The following TTN variants were observed in gnomAD, a reference collection of about 807,000 sequenced individuals.
The protein encoded by TTN is titin, also known as connectin.
TTN carries 1,525 observed loss-of-function variants against 3,223.0 expected under a neutral mutation model. That is an observed-to-expected ratio of 0.47 (90% confidence interval 0.45 to 0.49). The LOEUF (loss-of-function observed/expected upper bound fraction) is 0.49. Ranked by LOEUF, TTN falls within the 20% of genes least tolerant of loss-of-function variation. TTN has a pLI of 0.00. For missense variants in TTN, 40,786 were observed against 43,424.0 expected (o/e 0.94, Z 5.40); for synonymous variants, 14,094 against 15,161.0 (o/e 0.93, Z 5.17).
chr2:178,651,361 A>T, intron 207 of TTN, 41 bp from the exon 208 acceptor site: 1 of 1,605,162 alleles, frequency 6.2e-7, no homozygotes. Flanking sequence ...AACAATCACC[A>T]GTAAACATTC....
At chr2:178,749,994 G>A in intron 47 of TTN, 1 of 1,613,140 alleles carries the variant, frequency 6.2e-7, no homozygotes, top group Non-Finnish European at 8.5e-7. Flanking sequence ...ACTTGATCTT[G>A]AGGCATTGCT....
chr2:178,702,479 G>T lies in TTN; in HGVS notation c.30408C>A (p.Ile10136=), dbSNP rs878862911. The T allele has an allele frequency of 1.2e-6, 2 of 1,613,794 alleles. No individual in the cohort carries two copies. Among genetic ancestry groups the T allele is most frequent in the African/African-American group, 2.7e-5 (2 of 74,892 alleles). The change falls in exon 107 of 363, where the codon ATC becomes ATA. Residue 10136 remains isoleucine, a synonymous_variant. Transcript: ENST00000589042. ...CTTCATCGTCTGGGGTCACATTGTG[G>T]ATGGTCATATAATGGCAGCGGCCAT... The part of the protein sequence containing the change: ...RNDGRCHYMT[I]HNVTPDDEGV...
At position 178,602,533 on chromosome 2, in the gene TTN, G is replaced by A; in HGVS notation, c.54869C>T (p.Ser18290Leu). The A allele has an allele frequency of 6.2e-7, 1 of 1,601,506 alleles. No individual in the cohort carries two copies. The highest frequency in any genetic ancestry group is 8.5e-7 in the Non-Finnish European group (1 of 1,173,472). The change falls in exon 283 of 363, where the codon TCA (serine) becomes TTA (leucine). Residue 18290 changes from serine to leucine, a missense_variant. Physicochemically the swap from Ser to Leu is moderately radical, Grantham distance 145. Transcript: ENST00000589042. ...EVKDKTKSSI[S>L]LGWKPPAKDG... is the part of the protein sequence containing the mutation. ...TTTGGCTGGAGGTTTCCATCCTAGT[G>A]AGATGCTTGACTTCGTTTTATCTTT...
In TTN at chr2:178,702,606, GA is replaced by G; in HGVS notation, c.30280del (p.Ser10094LeufsTer15). The G allele has an allele frequency of 6.2e-7, 1 of 1,613,990 alleles. No homozygotes were observed. Among genetic ancestry groups the G allele is most frequent in the Non-Finnish European group, 8.5e-7 (1 of 1,179,878 alleles). ...GGACACTTCACACTCAAAGGTGGCA[GA>G]CTGATGCTCACTCACCACGATGTTC... is the stretch of plus-strand genomic sequence containing the variant. ...IQNIVVSEHQ[S>X]ATFECEVSFD... On this transcript the variant is annotated frameshift_variant, in exon 107 of 363. Coordinates refer to ENST00000589042, the MANE Select transcript of TTN (RefSeq NM_001267550.2). LOFTEE classifies it high-confidence loss of function.
chr2:178,763,654 A>C (rs2089784839), intron 43 of TTN, among the ~76,000 whole-genome samples: 1 of 152,218 alleles, frequency 6.6e-6, no homozygotes, highest in Non-Finnish European at 1.5e-5. Context: ...GAGACATGAT[A>C]TATATTGAAG....
At position 178,649,870 on chromosome 2, in the gene TTN, A is replaced by T. The variant is rs1293991314; in HGVS notation, c.39842T>A (p.Ile13281Asn). 2 of 1,612,564 alleles carry T rather than the reference A, an allele frequency of 1.2e-6. No individual in the cohort carries two copies. Among genetic ancestry groups the T allele is most frequent in the Admixed American group, 1.7e-5 (1 of 59,784 alleles). The change falls in exon 211 of 363, where the codon ATC (isoleucine) becomes AAC (asparagine). Residue 13281 changes from isoleucine (I) to asparagine (N), a missense_variant. Coordinates refer to ENST00000589042, the MANE Select transcript of TTN (RefSeq NM_001267550.2). ...GATGACAGGAACTTTCTTCTCTGGG[A>T]TGATCTTCTTGGGCTCTTCAGGCAC... is the stretch of plus-strand genomic sequence containing the variant. ...PAVPEEPKKI[I>N]PEKKVPVIKK...
chr2:178,621,650 G>T lies in TTN; in HGVS notation c.45174C>A (p.Gly15058=), dbSNP rs372609980. The T allele has an allele frequency of 1.2e-6, 2 of 1,612,158 alleles. No homozygotes were observed. Among genetic ancestry groups the T allele is most frequent in the African/African-American group, 1.3e-5 (1 of 74,834 alleles). ...IKLVCEVSKP[G]AEVIWYKGDE... ...CCCCTTTATACCAAATCACTTCTGC[G>T]CCAGGTTTGGAGACTTCACAAACCA... Residue 15058 remains glycine, a synonymous_variant, in exon 245 of 363, where the codon GGC becomes GGA. Transcript: ENST00000589042.
At chr2:178,640,021 G>A (rs761700745) in intron 222 of TTN, 27 bp downstream of exon 222, 3 of 1,610,314 alleles carry the variant, frequency 1.9e-6, no homozygotes, top group South Asian at 2.2e-5. Flanking sequence ...AGAATATGCT[G>A]TTGACATTGA....
Position 178,602,013 on chromosome 2 carries a change from T to C in TTN, c.55258A>G (p.Lys18420Glu). ...GGTTATTTTCCTACCTTCATTGCTT[T>C]CTTTGCCTTTCCATCAAATTCCCAA... ...SSWEFDGKAK[K>E]AMKDGVHDIP... Residue 18420 changes from lysine to glutamate, a missense_variant, in exon 284 of 363, where the codon AAA becomes GAA. By Grantham distance (56) the Lys-to-Glu change is moderately conservative. Transcript: ENST00000589042. The C allele has an allele frequency of 3.7e-6, 6 of 1,612,830 alleles. No homozygotes were observed. Among genetic ancestry groups the C allele is most frequent in the Non-Finnish European group, 5.1e-6 (6 of 1,179,218 alleles).
In TTN at chr2:178,546,243, G is replaced by A; in HGVS notation, c.95088C>T (p.Thr31696=). ...YTLTVKNASG[T]KAVSVMVKVL... is the part of the protein sequence containing the mutation. ...CTTTGACCATGACAGACACGGCCTT[G>A]GTCCCGCTGGCATTTTTCACTGTTA... is the stretch of plus-strand genomic sequence containing the variant. Residue 31696 remains threonine (T), a synonymous_variant, in exon 342 of 363, where the codon ACC becomes ACT. Coordinates refer to ENST00000589042, the MANE Select transcript of TTN (RefSeq NM_001267550.2). 6.2e-7 allele frequency: 1 copy of A among 1,612,948 alleles called. No homozygotes were observed. Among genetic ancestry groups the A allele is most frequent in the African/African-American group, 1.3e-5 (1 of 75,024 alleles).
At position 178,562,606 on chromosome 2, in the gene TTN, A is replaced by C. The variant is rs539533062; in HGVS notation, c.83526T>G (p.Ala27842=). 3 of 1,610,794 alleles carry C rather than the reference A, an allele frequency of 1.9e-6. No individual in the cohort carries two copies. Among genetic ancestry groups the C allele is most frequent in the Non-Finnish European group, 2.5e-6 (3 of 1,178,840 alleles). The change falls in exon 326 of 363, where the codon GCT becomes GCG. Residue 27842 remains alanine, a synonymous_variant. Transcript: ENST00000589042. ...GCAAACCAATCCCATATTCATTGGAAGCCAAGACTCGGAAGTAGTAAGAAC... is the reference window on the plus strand; with the variant it reads ...GCAAACCAATCCCATATTCATTGGACGCCAAGACTCGGAAGTAGTAAGAAC... The part of the protein sequence containing the change: ...EGCSYYFRVL[A]SNEYGIGLPA...
chr2:178,764,881 A>T (rs779595693), intron 41 of TTN, 70 bp from the exon 42 acceptor site: 3 of 1,581,664 alleles, frequency 1.9e-6, no homozygotes, highest in Non-Finnish European at 2.6e-6. Context: ...AAAACTCTAC[A>T]TTAATTTGTT....
At position 178,549,290 on chromosome 2, in the gene TTN, C is replaced by G. The variant is rs1289817129; in HGVS notation, c.92336G>C (p.Arg30779Thr). The G allele has an allele frequency of 1.2e-6, 2 of 1,613,942 alleles. No homozygotes were observed. The highest frequency in any genetic ancestry group is 4.5e-5 in the East Asian group (2 of 44,876). ...TTCTGTCAGACCAGTGACTTTGAAT[C>G]TTGTTTCAGAGATTGGTCGTTTGCT... ...VISKRPISET[R>T]FKVTGLTEGN... The change falls in exon 339 of 363, where the codon AGA (arginine) becomes ACA (threonine). Residue 30779 changes from arginine to threonine, a missense_variant. Coordinates refer to ENST00000589042, the MANE Select transcript of TTN (RefSeq NM_001267550.2).
At position 178,780,101 on chromosome 2, in the gene TTN, C is replaced by A; in HGVS notation, c.3628G>T (p.Val1210Leu). 1 of 1,613,786 alleles carries A rather than the reference C, an allele frequency of 6.2e-7. No individual in the cohort carries two copies. The highest frequency in any genetic ancestry group is 1.1e-5 in the South Asian group (1 of 91,074). Residue 1210 changes from valine (V) to leucine (L), a missense_variant, in exon 22 of 363, where the codon GTA becomes TTA. Physicochemically the swap from Val to Leu is conservative, Grantham distance 32 (BLOSUM62 1). Coordinates refer to ENST00000589042, the MANE Select transcript of TTN (RefSeq NM_001267550.2). ...TACTCTTTTTCATACTCAGAGTATA[C>A]AAATCCAGGTGCTGTTTCTCCAACT... ...PKVGETAPGFVYSEYEKEYEK... is the reference protein window; with the variant it reads ...PKVGETAPGFLYSEYEKEYEK...
Position 178,533,494 on chromosome 2 carries a change from C to A in TTN, c.103121G>T (p.Cys34374Phe), listed in dbSNP as rs368493317. 26 of 1,613,162 alleles carry A rather than the reference C, an allele frequency of 1.6e-5. No individual in the cohort carries two copies. The highest frequency in any genetic ancestry group is 2.0e-5 in the Non-Finnish European group (24 of 1,179,320). ...AAAGCAGACACTTTGGCCTTCTTGG[C>A]ATTCTGCATTTGCCAGTAACCTTTT... ...MFKRLLANAE[C>F]QEGQSVCFEI... The change falls in exon 358 of 363, where the codon TGC becomes TTC. Residue 34374 changes from cysteine (C) to phenylalanine (F), a missense_variant. Coordinates refer to ENST00000589042, the MANE Select transcript of TTN (RefSeq NM_001267550.2).
chr2:178,702,914 A>G (rs2075253053), intron 106 of TTN, among the ~76,000 whole-genome samples: 1 of 152,216 alleles, frequency 6.6e-6, no homozygotes, highest in African/African-American at 2.4e-5. Context: ...AGTTCTTAAA[A>G]TATTTATATA....
At position 178,756,680 on chromosome 2, in the gene TTN, T is replaced by A; in HGVS notation, c.10796A>T (p.Lys3599Met). The A allele has an allele frequency of 6.2e-7, 1 of 1,613,858 alleles. No individual in the cohort carries two copies. The highest frequency in any genetic ancestry group is 8.5e-7 in the Non-Finnish European group (1 of 1,179,810). ...EESKISQKEIKSFQGSSYEYE... is the reference protein window; with the variant it reads ...EESKISQKEIMSFQGSSYEYE... ...TTCATATGATGATCCTTGAAATGACTTAATTTCCTTTTGAGATATTTTGCT... is the reference window on the plus strand; with the variant it reads ...TTCATATGATGATCCTTGAAATGACATAATTTCCTTTTGAGATATTTTGCT... The change falls in exon 46 of 363, where the codon AAG becomes ATG. Residue 3599 changes from lysine (K) to methionine (M), a missense_variant. By Grantham distance (95) the Lys-to-Met change is moderately conservative. Coordinates refer to ENST00000589042, the MANE Select transcript of TTN (RefSeq NM_001267550.2).
Position 178,744,738 on chromosome 2 carries a change from C to A in TTN, c.11312-2817G>T. 3.0e-6 allele frequency: 3 copies of A among 984,518 alleles called. No homozygotes were observed. The South Asian group carries it at 1.4e-4, about 46-fold the overall frequency. 61.0% of individuals were successfully genotyped at this position (984,518 alleles called of 1,614,324 possible). The stretch of plus-strand genomic sequence containing the variant: ...TGAAATCAGAATACAGTTTTAAAAT[C>A]TATATGTAAACACAATATGATAGTT... On this transcript the variant is annotated intron_variant, in intron 47 of 362. Coordinates refer to ENST00000589042, the MANE Select transcript of TTN (RefSeq NM_001267550.2).
intron 46 of TTN, among the ~76,000 whole-genome samples, chr2:178,754,683 T>C (rs1424330284): frequency 2.0e-5 from 3 of 152,182 alleles, no homozygotes; most frequent in African/African-American, 7.2e-5. Context: ...TCTGTGTGAT[T>C]ACTGTGCTAG....
Sources: gnomAD v4.1 joint callset for allele counts (sites outside exome capture counted in the v4.1 genomes callset) on GRCh38, gnomAD v4.1.1 for gene constraint, MANE v1.5 for transcripts, NCBI Gene and HGNC (gene_info 2026-07-23, HGNC 2026-07-21) for gene names.